RBFOX3: variants seen among roughly 807,000 people sequenced by gnomAD.
The protein encoded by RBFOX3 is RNA binding fox-1 homolog 3.
In RBFOX3, 17 loss-of-function variants were observed where a neutral mutation model predicts 48.7. The observed-to-expected ratio is 0.35, with a 90% CI of 0.24 to 0.52. RBFOX3 has a LOEUF of 0.52. Among genes scored for constraint, RBFOX3 ranks in the 20% least tolerant of loss-of-function variants. The probability of loss-of-function intolerance (pLI) is 0.94; values close to 1 mark genes in which losing one functional copy is unlikely to be tolerated. For synonymous variants in RBFOX3, 212 were observed against 209.5 expected (o/e 1.01, Z -0.10); for missense variants, 382 against 497.5 (o/e 0.77, Z 2.21).
At position 79,204,232 on chromosome 17, in the gene RBFOX3, C is replaced by T. The variant is rs1378630927; in HGVS notation, c.-34+31534G>A. Among the ~76,000 whole-genome samples, 1 of 152,182 alleles carries T rather than the reference C, an allele frequency of 6.6e-6. No individual in the cohort carries two copies. The highest frequency in any genetic ancestry group is 2.4e-5 in the African/African-American group (1 of 41,448). On this transcript the variant is annotated intron_variant, in intron 4 of 14. Coordinates refer to ENST00000693108, the MANE Select transcript of RBFOX3 (RefSeq NM_001350451.2). This position sits in a 1 kb window ranked among gnomAD's most constrained non-coding sequence, Gnocchi z 4.5. ...CCAGCTCAGGAAGAAAACAGCCACA[C>T]ACCCAAAAAGCTCCAAGACCCAGTG...
At chr17:79,217,841 C>T (rs1332832842) in intron 4 of RBFOX3, among the ~76,000 whole-genome samples, 1 of 152,116 alleles carries the variant, frequency 6.6e-6, no homozygotes, top group East Asian at 1.9e-4. Context: ...TCAGATTAAC[C>T]TTGGAGCAGC....
Position 79,115,160 on chromosome 17 carries a change from G to A in RBFOX3, c.222+334C>T, listed in dbSNP as rs983585862. 7.9e-5 allele frequency among the ~76,000 whole-genome samples: 12 copies of A among 152,350 alleles called. 1 individual carries two copies. Among genetic ancestry groups the A allele is most frequent in the African/African-American group, 2.9e-4 (12 of 41,572 alleles). ...CTGGCAGCGAGGACACCTCCCAGCT[G>A]GGGTGAGTGTTTGCTCGAAGCAGGG... On this transcript the variant is annotated intron_variant, in intron 5 of 14. Transcript: ENST00000693108.
chr17:79,574,696 T>G (rs2092798572), intron 1 of RBFOX3, among the ~76,000 whole-genome samples: 1 of 152,222 alleles, frequency 6.6e-6, no homozygotes, highest in African/African-American at 2.4e-5. Context: ...GGAGTAGCCA[T>G]TCTTTTATTC....
At position 79,473,409 on chromosome 17, in the gene RBFOX3, T is replaced by C. The variant is rs2077290792; in HGVS notation, c.-175+9045A>G. 6.6e-6 allele frequency among the ~76,000 whole-genome samples: 1 copy of C among 152,228 alleles called. No individual in the cohort carries two copies. The highest frequency in any genetic ancestry group is 6.5e-5 in the Admixed American group (1 of 15,282). ...AACTGTTGTGAGGATTCACGATGAT[T>C]CATATATATTTTGGGACGAGAACCT... is the stretch of plus-strand genomic sequence containing the variant. On this transcript the variant is annotated intron_variant, in intron 2 of 14. Coordinates refer to ENST00000693108, the MANE Select transcript of RBFOX3 (RefSeq NM_001350451.2). This position sits in a 1 kb window ranked among gnomAD's most constrained non-coding sequence, Gnocchi z 4.2.
At chr17:79,167,613 G>A (rs924439938) in intron 4 of RBFOX3, among the ~76,000 whole-genome samples, 4 of 152,162 alleles carry the variant, frequency 2.6e-5, no homozygotes, top group African/African-American at 7.2e-5. Context: ...CTCTCACCCC[G>A]GGCTCACTCA....
chr17:79,207,768 G>A (rs541811254), intron 4 of RBFOX3, among the ~76,000 whole-genome samples: 1 of 152,124 alleles, frequency 6.6e-6, no homozygotes, highest in African/African-American at 2.4e-5. Context: ...GGAGACTGGG[G>A]TGCACACCAG....
intron 2 of RBFOX3, among the ~76,000 whole-genome samples, chr17:79,463,910 CCACCACCATTGCCACTGCCACCT>C (rs2075962926): frequency 7.8e-6 from 1 of 128,478 alleles, no homozygotes; most frequent in African/African-American, 3.5e-5. Flanking sequence ...ACTGCCACCA[CCACCACCATTGCCACTGCCACCT>C]CCCCACCATC....
chr17:79,440,126 G>A (rs2070555091), intron 2 of RBFOX3, among the ~76,000 whole-genome samples: 2 of 152,160 alleles, frequency 1.3e-5, no homozygotes, highest in South Asian at 2.1e-4. Context: ...GCCTCCTCAG[G>A]AGGCCTCTGT....
At chr17:79,182,067 C>A (rs1343069206) in intron 4 of RBFOX3, among the ~76,000 whole-genome samples, 1 of 152,090 alleles carries the variant, frequency 6.6e-6, no homozygotes, top group African/African-American at 2.4e-5. Flanking sequence ...GGGGAGACAT[C>A]TTCATGGAGA....
intron 2 of RBFOX3, among the ~76,000 whole-genome samples, chr17:79,463,182 TCGC>T (rs2075679606): frequency 4.6e-5 from 2 of 43,738 alleles, no homozygotes; most frequent in Admixed American, 2.4e-4. Flanking sequence ...TCCACCGCCA[TCGC>T]CACTGCCACC....
At chr17:79,463,825 C>T (rs35884841) in intron 2 of RBFOX3, among the ~76,000 whole-genome samples, 49,622 of 147,696 alleles carry the variant, frequency 0.34, 9,126 homozygotes, top group Admixed American at 0.42. Flanking sequence ...CCACCGCCAT[C>T]ACCACTGCCA....
intron 1 of RBFOX3, among the ~76,000 whole-genome samples, chr17:79,486,818 G>A (rs1052912454): frequency 2.2e-4 from 34 of 152,252 alleles, no homozygotes; most frequent in Admixed American, 9.8e-4. Context: ...TCCTGTGCCC[G>A]CATCTGCAGC....
intron 1 of RBFOX3, among the ~76,000 whole-genome samples, chr17:79,495,158 A>G: frequency 6.6e-6 from 1 of 151,608 alleles, no homozygotes; most frequent in Non-Finnish European, 1.5e-5. Context: ...GGATCTCCAC[A>G]GGTGAGTTAC....
rs907926861 is a variant in RBFOX3 at position 79,090,728 on chromosome 17, C to T, written c.*155G>A. 75 of 950,454 alleles carry T rather than the reference C, an allele frequency of 7.9e-5. No homozygotes were observed. In the Admixed American group the frequency reaches 8.9e-4, roughly 11 times the overall value. The allele number at this position is 950,454 out of a possible 1,614,324, so 58.9% of individuals were successfully genotyped here. On this transcript the variant is annotated 3_prime_UTR_variant, in exon 15 of 15. Transcript: ENST00000693108. ...CCTCGGTGCGGGCGTGTGGCCAGGA[C>T]GCGGGACTTGGACTTGGTTGGATGC...
intron 4 of RBFOX3, among the ~76,000 whole-genome samples, chr17:79,218,743 G>A (rs2059370308): frequency 6.6e-6 from 1 of 152,192 alleles, no homozygotes; most frequent in Non-Finnish European, 1.5e-5. Flanking sequence ...TGGTCGCTGA[G>A]GCTGGCCTTG....
chr17:79,484,485 G>A (rs2079233298), intron 1 of RBFOX3, among the ~76,000 whole-genome samples: 4 of 108,568 alleles, frequency 3.7e-5, no homozygotes, highest in African/African-American at 1.4e-4. Context: ...AGGGGGCCTG[G>A]GTGCAGGGGC....
At chr17:79,553,755 C>G (rs2091365191) in intron 1 of RBFOX3, among the ~76,000 whole-genome samples, 1 of 152,002 alleles carries the variant, frequency 6.6e-6, no homozygotes, top group Non-Finnish European at 1.5e-5. Flanking sequence ...CAGAGTCTCT[C>G]TCTCTCTCTC....
intron 1 of RBFOX3, among the ~76,000 whole-genome samples, chr17:79,509,766 C>T (rs933681797): frequency 1.8e-3 from 272 of 152,144 alleles, no homozygotes; most frequent in African/African-American, 6.1e-3. Context: ...CTGGGAGCTC[C>T]GGGCTGTGCA....
chr17:79,092,552 G>A, intron 14 of RBFOX3: 1 of 986,476 alleles, frequency 1.0e-6, no homozygotes, highest in East Asian at 1.1e-4. Context: ...GGTTTGGTGT[G>A]TAATAGGCAG....
Sources: allele counts gnomAD v4.1 joint callset (sites outside exome capture counted in the v4.1 genomes callset), GRCh38; gene constraint gnomAD v4.1.1; non-coding constraint Gnocchi (gnomAD v3.1); transcripts MANE v1.5; gene names NCBI Gene and HGNC (gene_info 2026-07-23, HGNC 2026-07-21).